The following FBLIM1 variants were observed in gnomAD, a reference collection of about 807,000 sequenced individuals.
FBLIM1 encodes the protein filamin binding LIM protein 1, also known as filamin-binding LIM protein 1.
FBLIM1 carries 29 observed loss-of-function variants against 37.4 expected under a neutral mutation model. The observed-to-expected ratio is 0.77, with a 90% confidence interval of 0.58 to 1.06. FBLIM1 has a LOEUF of 1.06. Among genes scored for constraint, FBLIM1 ranks in the 50% least tolerant of loss-of-function variants. The pLI is 0.00. For synonymous variants in FBLIM1, 193 were observed against 199.0 expected, an observed-to-expected ratio of 0.97 and a Z score of 0.25; for missense variants, 449 against 505.6, an observed-to-expected ratio of 0.89 and a Z score of 1.07.
Position 15,770,561 on chromosome 1 carries a change from T to C in FBLIM1, c.694T>C (p.Cys232Arg). The part of the protein sequence containing the change: ...SFYQKDGRPL[C>R]EPCYQDTLER... Reference sequence around the variant, plus strand: ...CTACCAGAAGGATGGGCGACCCCTCTGCGAACCCTGCTACCAGGTAACCCC... The same window carrying C: ...CTACCAGAAGGATGGGCGACCCCTCCGCGAACCCTGCTACCAGGTAACCCC... The change falls in exon 6 of 9, where the codon TGC becomes CGC. Residue 232 changes from cysteine (C) to arginine (R), a missense_variant. By Grantham distance (180) the Cys-to-Arg change is radical. Coordinates refer to ENST00000375766, the MANE Select transcript of FBLIM1 (RefSeq NM_017556.4). 2 of 1,613,910 alleles carry C rather than the reference T, an allele frequency of 1.2e-6. No homozygotes were observed. Among genetic ancestry groups the C allele is most frequent in the Non-Finnish European group, 1.7e-6 (2 of 1,180,000 alleles).
At chr1:15,757,403 G>C (rs71631750), upstream of FBLIM1, among the ~76,000 whole-genome samples, 25,635 of 152,140 alleles carry the variant, frequency 0.17, 2,278 homozygotes, top group Middle Eastern at 0.27. The surrounding 1 kb of genome is among the most constrained non-coding windows in gnomAD (Gnocchi z 4.1). Context: ...CATGGCTCTT[G>C]TGGGATTAGG....
In FBLIM1 at chr1:15,774,723, G is replaced by C; in HGVS notation, c.817G>C (p.Ala273Pro). 1 of 1,614,134 alleles carries C rather than the reference G, an allele frequency of 6.2e-7. No homozygotes were observed. The highest frequency in any genetic ancestry group is 8.5e-7 in the Non-Finnish European group (1 of 1,179,998). ...CTCCTGCTTCACGTGTGTGACCTGCGCCCGGTGCATTGGGGATGAGAGCTT... is the reference window on the plus strand; with the variant it reads ...CTCCTGCTTCACGTGTGTGACCTGCCCCCGGTGCATTGGGGATGAGAGCTT... Reference protein sequence around the residue: ...HPSCFTCVTCARCIGDESFAL... With the variant: ...HPSCFTCVTCPRCIGDESFAL... Residue 273 changes from alanine to proline, a missense_variant, in exon 7 of 9, where the codon GCC becomes CCC. Transcript: ENST00000375766.
At chr1:15,764,885 A>C in intron 2 of FBLIM1, 79 bp from the exon 3 acceptor site, 1 of 1,477,342 alleles carries the variant, frequency 6.8e-7, no homozygotes, top group Non-Finnish European at 9.0e-7. Context: ...TTTTGGGAGG[A>C]GGGAGGCTCT....
chr1:15,764,764 G>T, intron 2 of FBLIM1, 79 bp downstream of exon 2: 1 of 652,806 alleles, frequency 1.5e-6, no homozygotes, highest in East Asian at 2.8e-5. Context: ...CACCCCTGTG[G>T]CCAAGTTCCC....
intron 1 of FBLIM1, among the ~76,000 whole-genome samples, chr1:15,763,176 TC>T (rs1373699361): frequency 1.3e-5 from 2 of 151,650 alleles, no homozygotes; most frequent in Non-Finnish European, 2.9e-5. Flanking sequence ...TTCAAGTGAT[TC>T]TCCTGCCTCA....
intron 1 of FBLIM1, among the ~76,000 whole-genome samples, chr1:15,762,260 GTTTTTTT>G (rs57122494): frequency 3.7e-5 from 4 of 108,670 alleles, no homozygotes; most frequent in African/African-American, 1.0e-4. Context: ...TGGCTAATTT[GTTTTTTT>G]TTTTTTTTTT....
At chr1:15,777,615 C>T (rs557096141) in intron 8 of FBLIM1, among the ~76,000 whole-genome samples, 1 of 142,320 alleles carries the variant, frequency 7.0e-6, no homozygotes, top group African/African-American at 2.6e-5. Flanking sequence ...ACTCTTGTTG[C>T]CAGGCTGGAG....
At chr1:15,762,269 T>G (rs920301360) in intron 1 of FBLIM1, among the ~76,000 whole-genome samples, 12 of 148,626 alleles carry the variant, frequency 8.1e-5, no homozygotes, top group Admixed American at 2.0e-4. Context: ...TGTTTTTTTT[T>G]TTTTTTTTTT....
intron 8 of FBLIM1, 48 bp downstream of exon 8, chr1:15,777,335 G>C: frequency 6.9e-7 from 1 of 1,448,110 alleles, no homozygotes. Flanking sequence ...CTGCGTGCCA[G>C]GCCCTTAGCT....
chr1:15,781,405 T>C (rs1246706755), intron 8 of FBLIM1, among the ~76,000 whole-genome samples: 1 of 151,404 alleles, frequency 6.6e-6, no homozygotes, highest in Non-Finnish European at 1.5e-5. Flanking sequence ...TCCCAGCTAC[T>C]TGGGAGGTTG....
Position 15,786,188 on chromosome 1 carries a change from T to G in FBLIM1, c.*1527T>G, listed in dbSNP as rs936755445. 1 of 152,234 alleles carries G rather than the reference T, an allele frequency of 6.6e-6. No homozygotes were observed. The highest frequency in any genetic ancestry group is 1.5e-5 in the Non-Finnish European group (1 of 68,044). The allele number at this position is 152,234 out of a possible 1,614,324, so 9.4% of individuals were successfully genotyped here. A position where few individuals can be genotyped will look rare whatever the true frequency, so the allele number is the denominator to read the frequency against. The stretch of plus-strand genomic sequence containing the variant: ...TCTTCCCTTTGAAGGAGAATCATCA[T>G]TGTTGCTTTATCACTTCTAAGACAT... On this transcript the variant is annotated 3_prime_UTR_variant, in exon 9 of 9. Transcript: ENST00000375766.
rs572724760 is a variant in FBLIM1 at position 15,764,869 on chromosome 1, C to A, written c.-20-95C>A. ...TTGTTGAGATGGTAGGGTGGCTGGC[C>A]TGTCTTTTTGGGAGGAGGGAGGCTC... is the stretch of plus-strand genomic sequence containing the variant. On this transcript the variant is annotated intron_variant, in intron 2 of 8. Transcript: ENST00000375766. 2.2e-5 allele frequency: 31 copies of A among 1,428,674 alleles called. No individual in the cohort carries two copies. The South Asian group carries it at 3.8e-4, about 17-fold the overall frequency. The allele number at this position is 1,428,674 out of a possible 1,614,324, so 88.5% of individuals were successfully genotyped here.
At chr1:15,783,783 C>T (rs1182577812) in intron 8 of FBLIM1, among the ~76,000 whole-genome samples, 1 of 151,906 alleles carries the variant, frequency 6.6e-6, no homozygotes, top group Non-Finnish European at 1.5e-5. Flanking sequence ...GGGGTTTCAC[C>T]GTGTTAGCCA....
rs867032812 is a variant in FBLIM1, at chr1:15,767,564, G to A, written c.438+1G>A. The stretch of plus-strand genomic sequence containing the variant: ...GTCCCCGCCCCCGCCCCCACCACAG[G>A]TACTGCCTGCCCCCCGACCCCCAGC... On this transcript the variant is annotated splice_donor_variant, in intron 4 of 8. Transcript: ENST00000375766. LOFTEE classifies it high-confidence loss of function. 1.8e-6 allele frequency: 2 copies of A among 1,087,710 alleles called. No homozygotes were observed. The highest frequency in any genetic ancestry group is 3.4e-5 in the South Asian group (2 of 58,838). The allele number at this position is 1,087,710 out of a possible 1,614,324, so 67.4% of individuals were successfully genotyped here.
chr1:15,775,830 T>C (rs2069470105), intron 7 of FBLIM1, among the ~76,000 whole-genome samples: 1 of 152,132 alleles, frequency 6.6e-6, no homozygotes, highest in South Asian at 2.1e-4. Flanking sequence ...GCAGGGCCTG[T>C]CCAGAGTCAT....
intron 8 of FBLIM1, among the ~76,000 whole-genome samples, chr1:15,778,603 C>G (rs573021351): frequency 3.4e-4 from 52 of 150,740 alleles, no homozygotes; most frequent in African/African-American, 1.1e-3. Context: ...CACGGTAACA[C>G]GAGCAAGCCT....
At chr1:15,776,924 G>A in intron 7 of FBLIM1, 1 of 429,344 alleles carries the variant, frequency 2.3e-6, no homozygotes, top group Non-Finnish European at 4.1e-6. Context: ...AGATGAGATG[G>A]GTCCCAGCCC....
chr1:15,770,515 C>T lies in FBLIM1; in HGVS notation c.648C>T (p.Arg216=), dbSNP rs2148564691. 1 of 1,614,002 alleles carries T rather than the reference C, an allele frequency of 6.2e-7. No individual in the cohort carries two copies. The highest frequency in any genetic ancestry group is 2.2e-5 in the East Asian group (1 of 44,884). Residue 216 remains arginine (R), a synonymous_variant, in exon 6 of 9, where the codon CGC becomes CGT. Coordinates refer to ENST00000375766, the MANE Select transcript of FBLIM1 (RefSeq NM_017556.4). ...AQCFTCRTCR[R]QLAGQSFYQK... ...GCTTCACGTGCCGCACCTGCCGCCG[C>T]CAGCTGGCTGGGCAGAGCTTCTACC...
intron 8 of FBLIM1, among the ~76,000 whole-genome samples, chr1:15,780,447 G>A (rs1025689495): frequency 3.3e-5 from 5 of 151,788 alleles, no homozygotes; most frequent in South Asian, 2.1e-4. Flanking sequence ...TGATCTGCCC[G>A]CCTTGGCCTC....
Sources: allele counts gnomAD v4.1 joint callset (sites outside exome capture counted in the v4.1 genomes callset), GRCh38; gene constraint gnomAD v4.1.1; non-coding constraint Gnocchi (gnomAD v3.1); transcripts MANE v1.5; gene names NCBI Gene and HGNC (gene_info 2026-07-23, HGNC 2026-07-21).